Variants in IFRD2 observed in about 807,000 individuals in gnomAD.
The protein encoded by IFRD2 is interferon related developmental regulator 2, also known as interferon-related developmental regulator 2.
A neutral mutation model predicts 49.2 loss-of-function variants in IFRD2; 35 were observed. The observed-to-expected ratio is 0.71, with a 90% CI of 0.54 to 0.94. The LOEUF is 0.94. Among genes scored for constraint, IFRD2 ranks in the 40% least tolerant of loss-of-function variants. IFRD2 has a pLI of 0.00. For missense variants in IFRD2, 561 were observed against 591.6 expected, an observed-to-expected ratio of 0.95 and a Z score of 0.54; for synonymous variants, 275 against 239.7, an observed-to-expected ratio of 1.15 and a Z score of -1.36.
At position 50,288,493 on chromosome 3, in the gene IFRD2, T is replaced by C; in HGVS notation, c.1164A>G (p.Leu388=). ...GGCCCAGGCCAAAGATGTCACGGAG[T>C]AGCTCATTGTTCTGGGGGGCAGAGG... ...GMHHHLQNNE[L]LRDIFGLGPV... is the part of the protein sequence containing the mutation. Residue 388 remains leucine, a synonymous_variant, in exon 11 of 12, where the codon CTA becomes CTG. Coordinates refer to ENST00000417626, the MANE Select transcript of IFRD2 (RefSeq NM_006764.5). 1 of 1,613,876 alleles carries C rather than the reference T, an allele frequency of 6.2e-7. No homozygotes were observed. Among genetic ancestry groups the C allele is most frequent in the Non-Finnish European group, 8.5e-7 (1 of 1,179,848 alleles).
rs375957021 is a variant in IFRD2, at chr3:50,290,677, C to T, written c.61G>A (p.Ala21Thr). 1 of 1,613,458 alleles carries T rather than the reference C, an allele frequency of 6.2e-7. No homozygotes were observed. Among genetic ancestry groups the T allele is most frequent in the Non-Finnish European group, 8.5e-7 (1 of 1,179,710 alleles). The change falls in exon 2 of 12, where the codon GCC becomes ACC. Residue 21 changes from alanine to threonine, a missense_variant and splice_region_variant. Physicochemically the swap from Ala to Thr is moderately conservative, Grantham distance 58. Transcript: ENST00000417626. ...RKGGQRRGGGARSSAQADSGS... is the reference protein window; with the variant it reads ...RKGGQRRGGGTRSSAQADSGS... ...GAGTCAGCTTGGGCACTGCTCCGGGCACCTGGAGAAGGTGGAATAGGACAC... is the reference window on the plus strand; with the variant it reads ...GAGTCAGCTTGGGCACTGCTCCGGGTACCTGGAGAAGGTGGAATAGGACAC...
Position 50,288,729 on chromosome 3 carries a change from C to G in IFRD2, c.1024-18G>C. 1 of 1,612,730 alleles carries G rather than the reference C, an allele frequency of 6.2e-7. No individual in the cohort carries two copies. Among genetic ancestry groups the G allele is most frequent in the South Asian group, 1.1e-5 (1 of 90,918 alleles). On this transcript the variant is annotated intron_variant, in intron 9 of 11. Transcript: ENST00000417626. ...TCACCGCCCTGCAGGGTAGAGGTGC[C>G]AACACAACTGGGCTTGGCTGCTATG... is the stretch of plus-strand genomic sequence containing the variant.
At position 50,292,407 on chromosome 3, in the gene IFRD2, A is replaced by G. The variant is rs1553709990; in HGVS notation, c.-133T>C. 1 of 1,594,884 alleles carries G rather than the reference A, an allele frequency of 6.3e-7. No homozygotes were observed. The highest frequency in any genetic ancestry group is 8.5e-7 in the Non-Finnish European group (1 of 1,176,754). On this transcript the variant is annotated 5_prime_UTR_variant, in exon 1 of 12. The change abolishes an upstream ATG in the 5' untranslated region. Coordinates refer to ENST00000417626, the MANE Select transcript of IFRD2 (RefSeq NM_006764.5). The stretch of plus-strand genomic sequence containing the variant: ...GGAGCCACACGCCACGCGCGCCACC[A>G]TCTTCGCGAGGCGCCCCGCCCTGCC...
chr3:50,292,068 C>T (rs1306587038), intron 1 of IFRD2, 149 bp downstream of exon 1: 5 of 857,252 alleles, frequency 5.8e-6, no homozygotes, highest in Non-Finnish European at 8.4e-6. Flanking sequence ...ACTGCTGGGG[C>T]ACGTGCCAGC....
rs1042556775 is a variant in IFRD2, at chr3:50,288,916, T to C, written c.907A>G (p.Met303Val). 3 of 1,612,934 alleles carry C rather than the reference T, an allele frequency of 1.9e-6. No individual in the cohort carries two copies. The highest frequency in any genetic ancestry group is 1.7e-6 in the Non-Finnish European group (2 of 1,179,364). Residue 303 changes from methionine (M) to valine (V), a missense_variant, in exon 9 of 12, where the codon ATG becomes GTG. Physicochemically the swap from Met to Val is conservative, Grantham distance 21. Transcript: ENST00000417626. ...CGCAGGACACTGCAGAGGGCCTCCA[T>C]GTCCTCGTAAACAAACTCCTCCTGC... ...DLEEEFVYED[M>V]EALCSVLRTL... is the part of the protein sequence containing the mutation.
rs587707278 is a variant in IFRD2 at position 50,289,209 on chromosome 3, T to C, written c.885+46A>G. 137 of 1,474,182 alleles carry C rather than the reference T, an allele frequency of 9.3e-5. No homozygotes were observed. In the East Asian group the frequency reaches 3.2e-3, roughly 34 times the overall value. 91.3% of individuals were successfully genotyped at this position (1,474,182 alleles called of 1,614,324 possible). A position where few individuals can be genotyped will look rare whatever the true frequency, so the allele number is the denominator to read the frequency against. ...GGCACCCCCTGCATCCAGCCTGTGATGGGCAGGTGGTGTCACCAAGCACCC... is the reference window on the plus strand; with the variant it reads ...GGCACCCCCTGCATCCAGCCTGTGACGGGCAGGTGGTGTCACCAAGCACCC... On this transcript the variant is annotated intron_variant, in intron 8 of 11. Coordinates refer to ENST00000417626, the MANE Select transcript of IFRD2 (RefSeq NM_006764.5).
intron 1 of IFRD2, among the ~76,000 whole-genome samples, chr3:50,291,002 G>A (rs1220873898): frequency 7.5e-6 from 1 of 133,766 alleles, no homozygotes; most frequent in East Asian, 2.1e-4. Flanking sequence ...TCTGCTCCCC[G>A]CCACCTTTTT....
chr3:50,288,699 C>T lies in IFRD2; in HGVS notation c.1036G>A (p.Glu346Lys), dbSNP rs782589686. 27 of 1,613,444 alleles carry T rather than the reference C, an allele frequency of 1.7e-5. No homozygotes were observed. Among genetic ancestry groups the T allele is most frequent in the Non-Finnish European group, 1.9e-5 (23 of 1,179,702 alleles). The change falls in exon 10 of 12, where the codon GAA becomes AAA. Residue 346 changes from glutamate to lysine, a missense_variant. Physicochemically the swap from Glu to Lys is moderately conservative, Grantham distance 56 (BLOSUM62 1). Transcript: ENST00000417626. ...VLHSVEGGEC[E>K]EEIVRFGFEV... ...AAGCCGAAGCGCACTATCTCTTCTT[C>T]GCATTCACCGCCCTGCAGGGTAGAG...
chr3:50,289,094 G>A (rs963239223), intron 8 of IFRD2, 157 bp from the exon 9 acceptor site: 8 of 1,188,180 alleles, frequency 6.7e-6, no homozygotes, highest in Admixed American at 2.1e-5. Flanking sequence ...GGACACCACT[G>A]CTGAGGGCAC....
At chr3:50,291,138 G>A (rs587738021) in intron 1 of IFRD2, among the ~76,000 whole-genome samples, 6 of 150,616 alleles carry the variant, frequency 4.0e-5, no homozygotes, top group East Asian at 4.0e-4. Flanking sequence ...TCAGCCTCCC[G>A]AGTAGCTGGG....
In IFRD2 at chr3:50,288,391, G is replaced by A. The variant is rs781861692; in HGVS notation, c.1248+18C>T. On this transcript the variant is annotated intron_variant, in intron 11 of 11. Transcript: ENST00000417626. ...AAATGGGAATAGGGGGAAGAGAAAG[G>A]TGCCCAAGGGTGCAAACCTTCTCAA... 9.6e-5 allele frequency: 154 copies of A among 1,608,914 alleles called. No individual in the cohort carries two copies. The highest frequency in any genetic ancestry group is 1.3e-4 in the Non-Finnish European group (153 of 1,177,422).
chr3:50,292,395 A>ACCATCTTCGCGAGGCGCCG lies in IFRD2; in HGVS notation c.-122_-121insCGGCGCCTCGCGAAGATGG. The stretch of plus-strand genomic sequence containing the variant: ...GGCCAGACGACGGGAGCCACACGCC[A>ACCATCTTCGCGAGGCGCCG]CGCGCGCCACCATCTTCGCGAGGCG... On this transcript the variant is annotated 5_prime_UTR_variant, in exon 1 of 12. In the 5' UTR this introduces an upstream ATG that the reference lacks. Coordinates refer to ENST00000417626, the MANE Select transcript of IFRD2 (RefSeq NM_006764.5). The ACCATCTTCGCGAGGCGCCG allele has an allele frequency of 5.7e-6, 9 of 1,586,424 alleles. No homozygotes were observed. The highest frequency in any genetic ancestry group is 7.7e-6 in the Non-Finnish European group (9 of 1,172,356).
In IFRD2 at chr3:50,290,050, A is replaced by C. The variant is rs782194673; in HGVS notation, c.425T>G (p.Leu142Arg). 1 of 1,613,838 alleles carries C rather than the reference A, an allele frequency of 6.2e-7. No homozygotes were observed. The highest frequency in any genetic ancestry group is 8.5e-7 in the Non-Finnish European group (1 of 1,179,822). The change falls in exon 5 of 12, where the codon CTA becomes CGA. Residue 142 changes from leucine to arginine, a missense_variant. Physicochemically the swap from Leu to Arg is moderately radical, Grantham distance 102 (BLOSUM62 -2). Transcript: ENST00000417626. ...GCCCAGCTGCACGCAGAGCAGGCCT[A>C]GCACAGCAGCAGCCAGGGCTTGTTC... ...GEEQALAAAV[L>R]GLLCVQLGPG...
intron 11 of IFRD2, 33 bp downstream of exon 11, chr3:50,288,375 TA>T (rs782083933): frequency 2.4e-5 from 39 of 1,605,526 alleles, no homozygotes; most frequent in East Asian, 2.0e-4. Flanking sequence ...GAAATGGGAA[TA>T]GGGGGAAGAG....
At position 50,288,044 on chromosome 3, in the gene IFRD2, C is replaced by A; in HGVS notation, c.*147G>T. Reference sequence around the variant, plus strand: ...GGGTCAGGGTCCCAAGTGTCCGGGCCCCCAGCTACCCACCCCATGTCTGTT... The same window carrying A: ...GGGTCAGGGTCCCAAGTGTCCGGGCACCCAGCTACCCACCCCATGTCTGTT... On this transcript the variant is annotated 3_prime_UTR_variant, in exon 12 of 12. Coordinates refer to ENST00000417626, the MANE Select transcript of IFRD2 (RefSeq NM_006764.5). 1 of 722,082 alleles carries A rather than the reference C, an allele frequency of 1.4e-6. No homozygotes were observed. The highest frequency in any genetic ancestry group is 2.7e-5 in the East Asian group (1 of 36,664). 44.7% of individuals were successfully genotyped at this position (722,082 alleles called of 1,614,324 possible).
In IFRD2 at chr3:50,288,477, C is replaced by A; in HGVS notation, c.1180G>T (p.Gly394Cys). Residue 394 changes from glycine to cysteine, a missense_variant, in exon 11 of 12, where the codon GGC (glycine) becomes TGC (cysteine). Physicochemically the swap from Gly to Cys is radical, Grantham distance 159. Coordinates refer to ENST00000417626, the MANE Select transcript of IFRD2 (RefSeq NM_006764.5). Reference protein sequence around the residue: ...QNNELLRDIFGLGPVLLLDAT... With the variant: ...QNNELLRDIFCLGPVLLLDAT... The stretch of plus-strand genomic sequence containing the variant: ...TCCAGCAACAGCACAGGGCCCAGGC[C>A]AAAGATGTCACGGAGTAGCTCATTG... 1 of 1,613,910 alleles carries A rather than the reference C, an allele frequency of 6.2e-7. No homozygotes were observed. The highest frequency in any genetic ancestry group is 8.5e-7 in the Non-Finnish European group (1 of 1,179,844).
In IFRD2 at chr3:50,292,074, C is replaced by T. The variant is rs369221358; in HGVS notation, c.58+143G>A. 2.8e-5 allele frequency: 26 copies of T among 915,610 alleles called. No homozygotes were observed. In the African/African-American group the frequency reaches 4.1e-4, roughly 14 times the overall value. The allele number at this position is 915,610 out of a possible 1,614,324, so 56.7% of individuals were successfully genotyped here. A position where few individuals can be genotyped will look rare whatever the true frequency, so the allele number is the denominator to read the frequency against. ...TGGCCAATGACTGCTGGGGCACGTG[C>T]CAGCCTCGGTAGAGTTATGGGAAGC... On this transcript the variant is annotated intron_variant, in intron 1 of 11. Transcript: ENST00000417626.
In IFRD2 at chr3:50,289,299, C is replaced by A. The variant is rs782196774; in HGVS notation, c.841G>T (p.Gly281Cys). Reference sequence around the variant, plus strand: ...TCAAAGAGCAGTGCAATGGTTTCACCGGCAGCGATCCGCAGGTTCACACTT... The same window carrying A: ...TCAAAGAGCAGTGCAATGGTTTCACAGGCAGCGATCCGCAGGTTCACACTT... ...SESVNLRIAA[G>C]ETIALLFELA... The change falls in exon 8 of 12, where the codon GGT becomes TGT. Residue 281 changes from glycine (G) to cysteine (C), a missense_variant. Coordinates refer to ENST00000417626, the MANE Select transcript of IFRD2 (RefSeq NM_006764.5). 1 of 1,596,858 alleles carries A rather than the reference C, an allele frequency of 6.3e-7. No individual in the cohort carries two copies. The highest frequency in any genetic ancestry group is 2.3e-5 in the East Asian group (1 of 43,934).
Position 50,288,920 on chromosome 3 carries a change from C to T in IFRD2, c.903G>A (p.Glu301=). 1.2e-6 allele frequency: 2 copies of T among 1,612,654 alleles called. No individual in the cohort carries two copies. The highest frequency in any genetic ancestry group is 2.7e-5 in the African/African-American group (2 of 75,042). ...ARDLEEEFVY[E]DMEALCSVLR... ...GGACACTGCAGAGGGCCTCCATGTCCTCGTAAACAAACTCCTCCTGCAATG... is the reference window on the plus strand; with the variant it reads ...GGACACTGCAGAGGGCCTCCATGTCTTCGTAAACAAACTCCTCCTGCAATG... The change falls in exon 9 of 12, where the codon GAG becomes GAA. Residue 301 remains glutamate, a synonymous_variant. Transcript: ENST00000417626.
Sources: allele counts gnomAD v4.1 joint callset (sites outside exome capture counted in the v4.1 genomes callset), GRCh38; gene constraint gnomAD v4.1.1; transcripts MANE v1.5; gene names NCBI Gene and HGNC (gene_info 2026-07-23, HGNC 2026-07-21).